PLPPR4: variants seen among roughly 807,000 people sequenced by gnomAD.
PLPPR4 encodes the protein phospholipid phosphatase-related protein type 4.
PLPPR4 carries 24 observed loss-of-function variants against 56.6 expected under a neutral mutation model. The ratio of observed to expected loss-of-function variants is 0.42; its 90% CI spans 0.31 to 0.60. The LOEUF (loss-of-function observed/expected upper bound fraction) is 0.60. PLPPR4 is among the 20% of genes least tolerant of loss of function. The pLI, the probability that PLPPR4 is intolerant of heterozygous loss-of-function variation, is 0.13. For synonymous variants in PLPPR4, 326 were observed against 328.1 expected (o/e 0.99, Z 0.07); for missense variants, 654 against 885.8 (o/e 0.74, Z 3.32).
intron 1 of PLPPR4, among the ~76,000 whole-genome samples, chr1:99,275,420 T>C (rs373561238): frequency 6.6e-6 from 1 of 152,208 alleles, no homozygotes; most frequent in South Asian, 2.1e-4. Context: ...GCCCAGGACA[T>C]AATTAAGGAA....
At chr1:99,265,761 T>C (rs1360441212) in intron 1 of PLPPR4, among the ~76,000 whole-genome samples, 1 of 152,244 alleles carries the variant, frequency 6.6e-6, no homozygotes, top group Non-Finnish European at 1.5e-5. Flanking sequence ...TCAATGATTG[T>C]AAGGCTTATC....
intron 1 of PLPPR4, among the ~76,000 whole-genome samples, chr1:99,285,186 G>A (rs985527200): frequency 6.6e-6 from 1 of 152,088 alleles, no homozygotes; most frequent in Non-Finnish European, 1.5e-5. Context: ...TGTCACTTAC[G>A]ATATGTAACT....
At chr1:99,282,361 C>T (rs1457653833) in intron 1 of PLPPR4, among the ~76,000 whole-genome samples, 1 of 152,162 alleles carries the variant, frequency 6.6e-6, no homozygotes, top group East Asian at 1.9e-4. Context: ...CATGCTGTCT[C>T]ATCTCTCCTG....
chr1:99,298,778 A>G (rs1659809423), intron 3 of PLPPR4: 1 of 606,772 alleles, frequency 1.6e-6, no homozygotes, highest in Non-Finnish European at 2.9e-6. Context: ...ACTTACAGTT[A>G]ATGTTAAGAA....
At chr1:99,277,419 T>G (rs1191452253) in intron 1 of PLPPR4, among the ~76,000 whole-genome samples, 2 of 152,184 alleles carry the variant, frequency 1.3e-5, no homozygotes, top group Non-Finnish European at 1.5e-5. Context: ...GAGAGGTCTA[T>G]GTTGTTGGCT....
intron 1 of PLPPR4, among the ~76,000 whole-genome samples, chr1:99,282,242 T>C (rs892866213): frequency 6.6e-6 from 1 of 152,180 alleles, no homozygotes; most frequent in Non-Finnish European, 1.5e-5. Context: ...ACCTTTATTG[T>C]TTTATCTTCT....
rs1660031490 is a variant in PLPPR4 at position 99,306,388 on chromosome 1, G to A, written c.1526G>A (p.Trp509Ter). 1.2e-6 allele frequency: 2 copies of A among 1,614,070 alleles called. No homozygotes were observed. The highest frequency in any genetic ancestry group is 1.3e-5 in the African/African-American group (1 of 74,936). ...SPKSSSARAKWLKAAEKTVAC... is the reference protein window; with the variant it reads ...SPKSSSARAK ...AAAAGCAGCTCTGCTCGGGCCAAGTGGTTAAAAGCTGCTGAAAAGACTGTG... is the reference window on the plus strand; with the variant it reads ...AAAAGCAGCTCTGCTCGGGCCAAGTAGTTAAAAGCTGCTGAAAAGACTGTG... Residue 509 changes from tryptophan (W) to a stop codon, truncating the protein, a stop_gained, in exon 7 of 7, where the codon TGG (tryptophan) becomes TAG (stop). Transcript: ENST00000370185. LOFTEE classifies it high-confidence loss of function. This position sits in a 1 kb window ranked among gnomAD's most constrained non-coding sequence, Gnocchi z 4.0.
chr1:99,282,966 A>G (rs712888), intron 1 of PLPPR4, among the ~76,000 whole-genome samples: 40,993 of 147,186 alleles, frequency 0.28, 5,980 homozygotes, highest in East Asian at 0.35. Flanking sequence ...TATATTATAT[A>G]TGTGCAATAT....
At chr1:99,287,020 T>G (rs1413879610) in intron 1 of PLPPR4, among the ~76,000 whole-genome samples, 1 of 152,140 alleles carries the variant, frequency 6.6e-6, no homozygotes, top group African/African-American at 2.4e-5. Context: ...TTGACCTGTC[T>G]TCTAAGTTCC....
chr1:99,282,616 A>G (rs1306020355), intron 1 of PLPPR4, among the ~76,000 whole-genome samples: 1 of 152,100 alleles, frequency 6.6e-6, no homozygotes, highest in African/African-American at 2.4e-5. Context: ...TTCAAATCAT[A>G]CTACACCTCT....
chr1:99,303,475 TA>T (rs1659938707), intron 6 of PLPPR4, among the ~76,000 whole-genome samples: 2 of 152,036 alleles, frequency 1.3e-5, no homozygotes, highest in African/African-American at 4.8e-5. Context: ...TTACTACGGT[TA>T]TATAAAACTG....
chr1:99,266,224 A>G (rs1269542083), intron 1 of PLPPR4, among the ~76,000 whole-genome samples: 1 of 152,370 alleles, frequency 6.6e-6, no homozygotes, highest in Non-Finnish European at 1.5e-5. Context: ...TTTGTATTAT[A>G]GTGATTTCAT....
chr1:99,284,723 A>G (rs1431419842), intron 1 of PLPPR4, among the ~76,000 whole-genome samples: 1 of 152,162 alleles, frequency 6.6e-6, no homozygotes, highest in East Asian at 1.9e-4. Flanking sequence ...CAGGAAGGCT[A>G]CTGGCTGAAA....
At chr1:99,293,650 A>G (rs55765923) in intron 2 of PLPPR4, among the ~76,000 whole-genome samples, 7,251 of 152,318 alleles carry the variant, frequency 0.048, 272 homozygotes, top group Non-Finnish European at 0.075. Flanking sequence ...AGCTCCTGGA[A>G]TAGCCTTAGC....
upstream of PLPPR4, chr1:99,264,379 A>T: frequency 7.8e-7 from 1 of 1,287,096 alleles, no homozygotes; most frequent in Non-Finnish European, 1.0e-6. Flanking sequence ...CTAGGGGAGG[A>T]AGAGGACTGG....
intron 1 of PLPPR4, among the ~76,000 whole-genome samples, chr1:99,280,563 G>GT (rs1315854393): frequency 1.3e-5 from 2 of 152,148 alleles, no homozygotes; most frequent in Non-Finnish European, 2.9e-5. Context: ...TAGGGCAAGG[G>GT]TTGGTAATAT....
intron 1 of PLPPR4, among the ~76,000 whole-genome samples, chr1:99,275,569 T>C (rs1021356726): frequency 6.6e-6 from 1 of 152,132 alleles, no homozygotes; most frequent in Admixed American, 6.6e-5. Flanking sequence ...TTAATGAATA[T>C]AGGGAGACAG....
chr1:99,294,294 G>T (rs1482423977), intron 2 of PLPPR4, among the ~76,000 whole-genome samples: 1 of 152,200 alleles, frequency 6.6e-6, no homozygotes, highest in East Asian at 1.9e-4. Context: ...ATGGTTGGGT[G>T]ATGTCAGAAT....
At chr1:99,267,922 C>A (rs1243105777) in intron 1 of PLPPR4, among the ~76,000 whole-genome samples, 2 of 152,178 alleles carry the variant, frequency 1.3e-5, no homozygotes, top group Non-Finnish European at 2.9e-5. Context: ...TTACATCCAC[C>A]ATGTTGTTCA....
Sources: allele counts gnomAD v4.1 joint callset (sites outside exome capture counted in the v4.1 genomes callset), GRCh38; gene constraint gnomAD v4.1.1; non-coding constraint Gnocchi (gnomAD v3.1); transcripts MANE v1.5; gene names NCBI Gene and HGNC (gene_info 2026-07-23, HGNC 2026-07-21).